Variants in SCN8A observed in about 807,000 individuals in gnomAD.
SCN8A encodes the protein sodium channel protein type 8 subunit alpha.
A neutral mutation model predicts 184.1 loss-of-function variants in SCN8A; 30 were observed. That is an observed-to-expected ratio of 0.16 (90% CI 0.12 to 0.22). The LOEUF (loss-of-function observed/expected upper bound fraction) is 0.22. Among genes scored for constraint, SCN8A ranks in the 10% least tolerant of loss-of-function variants. The pLI is 1.00. For missense variants in SCN8A, 1,057 were observed against 2,498.9 expected (o/e 0.42, Z 12.30); for synonymous variants, 852 against 907.0 (o/e 0.94, Z 1.09).
chr12:51,610,765 T>C (rs892511880), intron 1 of SCN8A, among the ~76,000 whole-genome samples: 2 of 152,236 alleles, frequency 1.3e-5, no homozygotes, highest in Admixed American at 6.5e-5. Context: ...AGAAATCTGC[T>C]GTTAATCTGA....
chr12:51,712,550 C>T, intron 11 of SCN8A: 1 of 776,910 alleles, frequency 1.3e-6, no homozygotes, highest in Non-Finnish European at 2.4e-6. Flanking sequence ...TCCACCAAAA[C>T]TTCCCCCTTT....
At chr12:51,778,628 T>A (rs564030932) in intron 20 of SCN8A, among the ~76,000 whole-genome samples, 1 of 152,266 alleles carries the variant, frequency 6.6e-6, no homozygotes, top group Non-Finnish European at 1.5e-5. Flanking sequence ...ACCTTCCGCT[T>A]CTACCCCCTG....
At chr12:51,710,683 C>T (rs917703491) in intron 11 of SCN8A, among the ~76,000 whole-genome samples, 1 of 152,060 alleles carries the variant, frequency 6.6e-6, no homozygotes, top group Admixed American at 6.6e-5. Flanking sequence ...CAAAAACAAA[C>T]CAAAAAATTA....
intron 16 of SCN8A, 58 bp downstream of exon 16, chr12:51,766,085 C>A (rs746860657): frequency 7.2e-7 from 1 of 1,382,308 alleles, no homozygotes; most frequent in East Asian, 2.3e-5. Flanking sequence ...ACCCCTGGCC[C>A]AGAAGCCCAA....
intron 14 of SCN8A, among the ~76,000 whole-genome samples, chr12:51,758,986 G>A (rs1942723233): frequency 6.6e-6 from 1 of 150,688 alleles, no homozygotes; most frequent in South Asian, 2.1e-4. Flanking sequence ...GTATGTATAT[G>A]TGTGTGTGTG....
At chr12:51,611,442 G>A (rs1199656168) in intron 1 of SCN8A, among the ~76,000 whole-genome samples, 2 of 151,996 alleles carry the variant, frequency 1.3e-5, no homozygotes, top group Non-Finnish European at 2.9e-5. Flanking sequence ...GATTACAGGC[G>A]TGAGCCACCG....
intron 11 of SCN8A, among the ~76,000 whole-genome samples, chr12:51,711,639 G>A (rs923554597): frequency 6.6e-6 from 1 of 151,490 alleles, no homozygotes; most frequent in African/African-American, 2.4e-5. Context: ...GTTTAACAAT[G>A]AATGTGGCTT....
At chr12:51,762,124 G>A (rs1056121067) in intron 14 of SCN8A, among the ~76,000 whole-genome samples, 8 of 151,992 alleles carry the variant, frequency 5.3e-5, no homozygotes, top group Admixed American at 1.3e-4. Context: ...TAATCATAAC[G>A]CGAGTGATTT....
intron 21 of SCN8A, among the ~76,000 whole-genome samples, chr12:51,783,032 T>C (rs1937974100): frequency 6.6e-6 from 1 of 152,204 alleles, no homozygotes; most frequent in African/African-American, 2.4e-5. Context: ...AAAGCTGGAA[T>C]TTAAAACAAT....
At chr12:51,613,681 T>C (rs1939771548) in intron 1 of SCN8A, among the ~76,000 whole-genome samples, 3 of 152,132 alleles carry the variant, frequency 2.0e-5, no homozygotes, top group Admixed American at 2.0e-4. Flanking sequence ...ACTTGGATTG[T>C]TGATTTGAGA....
chr12:51,637,149 A>G (rs534635361), intron 1 of SCN8A, among the ~76,000 whole-genome samples: 20 of 152,200 alleles, frequency 1.3e-4, no homozygotes, highest in Non-Finnish European at 2.1e-4. Context: ...CTCATATGAC[A>G]GGGAACTTAA....
chr12:51,745,062 C>A (rs746463948), intron 12 of SCN8A, among the ~76,000 whole-genome samples: 1 of 152,104 alleles, frequency 6.6e-6, no homozygotes, highest in Non-Finnish European at 1.5e-5. Context: ...CCCCATTAAG[C>A]CTGAACTGAT....
At chr12:51,715,306 A>G (rs1297403363) in intron 11 of SCN8A, among the ~76,000 whole-genome samples, 1 of 152,108 alleles carries the variant, frequency 6.6e-6, no homozygotes, top group South Asian at 2.1e-4. Context: ...CTGTCTTATC[A>G]TCCTTATCAC....
intron 12 of SCN8A, among the ~76,000 whole-genome samples, chr12:51,734,024 C>T (rs557979084): frequency 4.6e-5 from 7 of 152,178 alleles, no homozygotes; most frequent in African/African-American, 7.2e-5. Flanking sequence ...AGATAAACAA[C>T]CTCTTGTTTC....
chr12:51,702,447 C>T (rs1941707373), intron 8 of SCN8A, among the ~76,000 whole-genome samples: 1 of 151,986 alleles, frequency 6.6e-6, no homozygotes, highest in Admixed American at 6.6e-5. Flanking sequence ...CTTTGGCATG[C>T]ATAAGAATCA....
intron 1 of SCN8A, among the ~76,000 whole-genome samples, chr12:51,614,865 A>G (rs1939800189): frequency 6.6e-6 from 1 of 150,778 alleles, no homozygotes; most frequent in African/African-American, 2.4e-5. Context: ...TGGTAAGAAC[A>G]TTTTACATGA....
rs1392120633 is a variant in SCN8A, at chr12:51,807,223, C to T, written c.5737C>T (p.Arg1913Trp). The change falls in exon 27 of 27, where the codon CGG (arginine) becomes TGG (tryptophan). Residue 1913 changes from arginine (R) to tryptophan (W), a missense_variant. This residue lies in a region of SCN8A where 95 missense variants were observed against 140.2 expected (regional missense o/e 0.68). Coordinates refer to ENST00000627620, the MANE Select transcript of SCN8A (RefSeq NM_001330260.2). The surrounding 1 kb of genome is among the most constrained non-coding windows in gnomAD (Gnocchi z 4.5). ...TGCCTACCGGGGACATTTGGCAAGG[C>T]GGGGCTTCATCTGCAAAAAGACAAC... The part of the protein sequence containing the change: ...QRAYRGHLAR[R>W]GFICKKTTSN... 1.2e-6 allele frequency: 2 copies of T among 1,613,894 alleles called. No individual in the cohort carries two copies. The highest frequency in any genetic ancestry group is 3.3e-5 in the Admixed American group (2 of 60,008).
intron 1 of SCN8A, among the ~76,000 whole-genome samples, chr12:51,607,176 C>T (rs867088055): frequency 1.2e-4 from 18 of 152,166 alleles, no homozygotes; most frequent in Admixed American, 9.8e-4. Context: ...GGATTACAGG[C>T]GTGAGCCACC....
intron 2 of SCN8A, among the ~76,000 whole-genome samples, chr12:51,680,300 T>G (rs1226276915): frequency 6.6e-6 from 1 of 152,182 alleles, no homozygotes; most frequent in Non-Finnish European, 1.5e-5. Flanking sequence ...AAATTTCTAT[T>G]TCACACATCA....
Sources: gnomAD v4.1 joint callset for allele counts (sites outside exome capture counted in the v4.1 genomes callset) on GRCh38, gnomAD v4.1.1 for gene constraint, gnomAD v4.1.1 regional missense constraint, Gnocchi (gnomAD v3.1) non-coding constraint, MANE v1.5 for transcripts, NCBI Gene and HGNC (gene_info 2026-07-23, HGNC 2026-07-21) for gene names.